Variants in STAB2 observed in about 807,000 individuals in gnomAD.
The protein encoded by STAB2 is stabilin-2.
STAB2 carries 288 observed loss-of-function variants against 338.1 expected under a neutral mutation model. The observed-to-expected ratio is 0.85, with a 90% CI of 0.77 to 0.94. The LOEUF is 0.94. Among genes scored for constraint, STAB2 ranks in the 40% least tolerant of loss-of-function variants. The probability of loss-of-function intolerance (pLI) is 0.00; values close to 1 mark genes in which losing one functional copy is unlikely to be tolerated. For synonymous variants in STAB2, 1,202 were observed against 1,193.3 expected (o/e 1.01, Z -0.15); for missense variants, 3,141 against 3,210.1 (o/e 0.98, Z 0.52).
intron 67 of STAB2, among the ~76,000 whole-genome samples, chr12:103,762,980 C>T (rs1884654853): frequency 6.6e-6 from 1 of 152,224 alleles, no homozygotes; most frequent in Admixed American, 6.5e-5. Context: ...CTCTCTGGCC[C>T]ACCCTCTCCT....
At chr12:103,732,598 G>C (rs1711784487) in intron 50 of STAB2, among the ~76,000 whole-genome samples, 1 of 152,144 alleles carries the variant, frequency 6.6e-6, no homozygotes, top group Admixed American at 6.5e-5. Context: ...TTGAGCCCAG[G>C]AGTTTGAGAC....
intron 51 of STAB2, among the ~76,000 whole-genome samples, chr12:103,734,059 A>G (rs1881879547): frequency 6.6e-6 from 1 of 151,606 alleles, no homozygotes; most frequent in African/African-American, 2.4e-5. Flanking sequence ...AGCAAGCACG[A>G]TCATATGGGA....
chr12:103,598,193 T>C (rs1184068972), intron 3 of STAB2, among the ~76,000 whole-genome samples: 2 of 152,226 alleles, frequency 1.3e-5, no homozygotes, highest in Non-Finnish European at 2.9e-5. Flanking sequence ...AAATGGAATA[T>C]TGGGACATAT....
chr12:103,669,280 G>T, intron 20 of STAB2: 1 of 411,074 alleles, frequency 2.4e-6, no homozygotes, highest in South Asian at 4.5e-5. Flanking sequence ...AACTTAGAAC[G>T]TTGGCTCCAC....
intron 5 of STAB2, among the ~76,000 whole-genome samples, chr12:103,629,415 TG>T (rs1311768167): frequency 2.6e-5 from 4 of 152,224 alleles, no homozygotes; most frequent in African/African-American, 9.6e-5. Context: ...GCTTCTGACT[TG>T]GTTTGACCAT....
chr12:103,694,127 T>G (rs1878198010), intron 31 of STAB2, among the ~76,000 whole-genome samples: 1 of 152,208 alleles, frequency 6.6e-6, no homozygotes, highest in Non-Finnish European at 1.5e-5. Flanking sequence ...GCCACCATTG[T>G]GCCCTGCATA....
intron 4 of STAB2, among the ~76,000 whole-genome samples, chr12:103,621,684 C>T (rs1957304882): frequency 6.6e-6 from 1 of 152,226 alleles, no homozygotes; most frequent in Non-Finnish European, 1.5e-5. Flanking sequence ...GATCGTGCCA[C>T]TGCACTTCAG....
intron 31 of STAB2, among the ~76,000 whole-genome samples, chr12:103,693,403 C>T (rs908509797): frequency 2.6e-5 from 4 of 152,012 alleles, no homozygotes; most frequent in African/African-American, 7.3e-5. Context: ...AGCCACTGCA[C>T]TCCAGCCTGG....
intron 2 of STAB2, among the ~76,000 whole-genome samples, chr12:103,593,656 G>A (rs1438479982): frequency 6.6e-6 from 1 of 152,134 alleles, no homozygotes; most frequent in Non-Finnish European, 1.5e-5. Context: ...GGGTTTGAGA[G>A]GACAACCTTG....
chr12:103,616,278 T>C (rs923658275), intron 3 of STAB2, among the ~76,000 whole-genome samples: 66 of 152,184 alleles, frequency 4.3e-4, no homozygotes, highest in African/African-American at 1.5e-3. Context: ...ACATGTGTTA[T>C]AACAGGAATG....
intron 24 of STAB2, 123 bp downstream of exon 24, chr12:103,676,144 A>C (rs1876340703): frequency 6.8e-6 from 4 of 589,018 alleles, no homozygotes; most frequent in South Asian, 2.6e-5. Flanking sequence ...TCACTGCAAC[A>C]TCCGCCTCCC....
intron 27 of STAB2, among the ~76,000 whole-genome samples, chr12:103,685,386 G>A (rs1415591193): frequency 2.0e-5 from 3 of 151,614 alleles, no homozygotes; most frequent in Admixed American, 6.6e-5. Flanking sequence ...GGGTTCACTG[G>A]GCTCTCCTGT....
At chr12:103,621,901 A>G in intron 4 of STAB2, 141 bp from the exon 5 acceptor site, 1 of 725,512 alleles carries the variant, frequency 1.4e-6, no homozygotes, top group Non-Finnish European at 2.3e-6. Flanking sequence ...GATAACACAA[A>G]TAAACAGAAA....
chr12:103,712,468 G>A, intron 41 of STAB2, 25 bp downstream of exon 41: 1 of 1,592,148 alleles, frequency 6.3e-7, no homozygotes, highest in Non-Finnish European at 8.6e-7. Context: ...GAATTTGCTG[G>A]GGGGGCTGGC....
At chr12:103,638,800 T>C (rs747882723) in intron 8 of STAB2, among the ~76,000 whole-genome samples, 11 of 152,154 alleles carry the variant, frequency 7.2e-5, no homozygotes, top group Non-Finnish European at 1.0e-4. Flanking sequence ...CATTCGTCCA[T>C]TGAGTATTTA....
Position 103,736,602 on chromosome 12 carries a change from T to C in STAB2, c.5550+1022T>C, listed in dbSNP as rs545746299. On this transcript the variant is annotated intron_variant, in intron 52 of 68. Transcript: ENST00000388887. ...GCCCTCTGCTTGTTCTGTGTGTTGA[T>C]ATAGCTTTCAGAGCACTTTGCAATG... is the stretch of plus-strand genomic sequence containing the variant. 1.2e-4 allele frequency among the ~76,000 whole-genome samples: 18 copies of C among 152,170 alleles called. No homozygotes were observed. In the South Asian group the frequency reaches 1.2e-3, roughly 11 times the overall value.
chr12:103,710,412 AAAG>A (rs141307511), intron 39 of STAB2, among the ~76,000 whole-genome samples: 73 of 152,330 alleles, frequency 4.8e-4, no homozygotes, highest in African/African-American at 1.8e-3. Context: ...AGACTATAAC[AAAG>A]AAGACAACTC....
chr12:103,621,261 T>C (rs984083642), intron 4 of STAB2, among the ~76,000 whole-genome samples: 2 of 150,148 alleles, frequency 1.3e-5, no homozygotes, highest in African/African-American at 4.8e-5. Context: ...ACAAACCTTA[T>C]GGTGCTATCC....
At chr12:103,616,973 A>C (rs143817736) in intron 3 of STAB2, among the ~76,000 whole-genome samples, 1 of 152,268 alleles carries the variant, frequency 6.6e-6, no homozygotes, top group East Asian at 1.9e-4. Flanking sequence ...CTTCCTCTAC[A>C]TCCTCACCTC....
Sources: gnomAD v4.1 joint callset for allele counts (sites outside exome capture counted in the v4.1 genomes callset) on GRCh38, gnomAD v4.1.1 for gene constraint, MANE v1.5 for transcripts, NCBI Gene and HGNC (gene_info 2026-07-23, HGNC 2026-07-21) for gene names.